Variants in MACROD2 observed in about 807,000 individuals in gnomAD.
MACROD2 encodes ADP-ribose glycohydrolase MACROD2.
A neutral mutation model predicts 70.4 loss-of-function variants in MACROD2; 36 were observed. The ratio of observed to expected loss-of-function variants is 0.51; its 90% CI spans 0.39 to 0.68. The LOEUF is 0.68. Among genes scored for constraint, MACROD2 ranks in the 30% least tolerant of loss-of-function variants. MACROD2 has a pLI of 0.00. For missense variants in MACROD2, 496 were observed against 538.4 expected (o/e 0.92, Z 0.78); for synonymous variants, 172 against 178.8 (o/e 0.96, Z 0.30).
rs192875371 is a variant in MACROD2, at chr20:15,113,317, G to A, written c.419-116623G>A. Reference sequence around the variant, plus strand: ...CACTGCTGGTGTAACAATGCCATATGTAGCTGATCTGATGCTTTTATTGTG... The same window carrying A: ...CACTGCTGGTGTAACAATGCCATATATAGCTGATCTGATGCTTTTATTGTG... On this transcript the variant is annotated intron_variant, in intron 5 of 17. Coordinates refer to ENST00000684519, the MANE Select transcript of MACROD2 (RefSeq NM_001351661.2). Among the ~76,000 whole-genome samples, 35 of 152,246 alleles carry A rather than the reference G, an allele frequency of 2.3e-4. 1 individual carries two copies. Among genetic ancestry groups the A allele is most frequent in the African/African-American group, 7.0e-4 (29 of 41,546 alleles).
intron 5 of MACROD2, chr20:14,929,509 C>G (rs2074272505): frequency 1.3e-5 from 2 of 152,224 alleles, no homozygotes; most frequent in Non-Finnish European, 2.9e-5. Context: ...GTTCACCAAC[C>G]TAGCAGCTCT....
intron 6 of MACROD2, among the ~76,000 whole-genome samples, chr20:15,317,757 C>T (rs1252903001): frequency 6.7e-6 from 1 of 149,842 alleles, no homozygotes; most frequent in Non-Finnish European, 1.5e-5. Flanking sequence ...AGAAGGGTTT[C>T]TTTTTATTTA....
intron 3 of MACROD2, among the ~76,000 whole-genome samples, chr20:14,222,559 T>A (rs1237316572): frequency 6.6e-6 from 1 of 152,230 alleles, no homozygotes; most frequent in South Asian, 2.1e-4. Context: ...ATGGATACCC[T>A]AAAAACCCTG....
At chr20:15,387,663 A>C (rs1015826806) in intron 6 of MACROD2, among the ~76,000 whole-genome samples, 2 of 151,140 alleles carry the variant, frequency 1.3e-5, no homozygotes, top group Non-Finnish European at 2.9e-5. Context: ...GACACCCCAC[A>C]CTCAGACCTT....
intron 8 of MACROD2, among the ~76,000 whole-genome samples, chr20:15,850,534 T>C (rs1265443221): frequency 2.0e-5 from 3 of 152,224 alleles, no homozygotes; most frequent in African/African-American, 4.8e-5. Context: ...TTATCTTTTA[T>C]GGATTTGCTA....
intron 5 of MACROD2, among the ~76,000 whole-genome samples, chr20:15,104,595 T>A (rs1159578165): frequency 6.6e-6 from 1 of 152,176 alleles, no homozygotes; most frequent in African/African-American, 2.4e-5. Context: ...ACAGCCTTTG[T>A]GCTTGTCTGA....
At position 15,615,612 on chromosome 20, in the gene MACROD2, G is replaced by A. The variant is rs111352187; in HGVS notation, c.645+115765G>A. ...ACCAGTGAAAGTATGAGCAGAAGAGGCCAGCCAAGAAGTGACCACAGGCCA... is the reference window on the plus strand; with the variant it reads ...ACCAGTGAAAGTATGAGCAGAAGAGACCAGCCAAGAAGTGACCACAGGCCA... On this transcript the variant is annotated intron_variant, in intron 8 of 17. Transcript: ENST00000684519. Among the ~76,000 whole-genome samples the A allele has an allele frequency of 1.3e-3, 195 of 152,198 alleles. 4 individuals are homozygous for A. Among genetic ancestry groups the A allele is most frequent in the African/African-American group, 4.6e-3 (191 of 41,528 alleles).
intron 8 of MACROD2, among the ~76,000 whole-genome samples, chr20:15,576,349 G>A (rs1295062596): frequency 6.6e-6 from 1 of 151,972 alleles, no homozygotes; most frequent in African/African-American, 2.4e-5. Flanking sequence ...GCAGTAATGA[G>A]GATACATTTT....
rs573223686 is a variant in MACROD2 at position 15,796,666 on chromosome 20, G to A, written c.646-66079G>A. 4.7e-4 allele frequency among the ~76,000 whole-genome samples: 72 copies of A among 152,092 alleles called. 1 individual carries two copies. The highest frequency in any genetic ancestry group is 8.3e-4 in the South Asian group (4 of 4,810). On this transcript the variant is annotated intron_variant, in intron 8 of 17. Transcript: ENST00000684519. The stretch of plus-strand genomic sequence containing the variant: ...AAGAGGTCATGTCAGCAGAGTGCCG[G>A]GCATTTGGCAAATGCTCAATAATAC...
At chr20:15,482,406 A>G (rs1462779396) in intron 7 of MACROD2, among the ~76,000 whole-genome samples, 1 of 152,174 alleles carries the variant, frequency 6.6e-6, no homozygotes, top group Non-Finnish European at 1.5e-5. Flanking sequence ...ACCTATTAGA[A>G]TGGCCAAAAT....
chr20:15,149,886 C>T (rs921983440), intron 5 of MACROD2, among the ~76,000 whole-genome samples: 6 of 151,956 alleles, frequency 3.9e-5, no homozygotes. Flanking sequence ...CTAAAGCTGT[C>T]TTCAAGGAAT....
intron 3 of MACROD2, among the ~76,000 whole-genome samples, chr20:14,232,815 C>G (rs1008325114): frequency 2.6e-5 from 4 of 152,238 alleles, no homozygotes; most frequent in Non-Finnish European, 4.4e-5. Context: ...TTTGCATTTA[C>G]AATTCAGCCA....
At chr20:14,906,573 C>T (rs938312271) in intron 5 of MACROD2, among the ~76,000 whole-genome samples, 10 of 152,182 alleles carry the variant, frequency 6.6e-5, no homozygotes, top group African/African-American at 2.4e-4. Context: ...GCTTGCTTCT[C>T]TTTTTGTGAA....
intron 3 of MACROD2, among the ~76,000 whole-genome samples, chr20:14,104,060 T>C (rs969984473): frequency 6.6e-6 from 1 of 152,010 alleles, no homozygotes; most frequent in Non-Finnish European, 1.5e-5. Context: ...TACACACACA[T>C]AACCAAATAG....
At position 14,346,093 on chromosome 20, in the gene MACROD2, CAAAAAAAAAAA is replaced by C. The variant is rs71190130; in HGVS notation, c.272-147365_272-147355del. ...TGGGTGACAGAGTGAGATTCTGCCT[CAAAAAAAAAAA>C]AAAAAAAAAAAAAAAAAAAAGTAAG... On this transcript the variant is annotated intron_variant, in intron 3 of 17. Transcript: ENST00000684519. Among the ~76,000 whole-genome samples, 264 of 41,178 alleles carry C rather than the reference CAAAAAAAAAAA, an allele frequency of 6.4e-3. 1 individual carries two copies. The highest frequency in any genetic ancestry group is 0.025 in the African/African-American group (232 of 9,416). The allele number at this position is 41,178 out of a possible 152,430, so 27.0% of individuals were successfully genotyped here.
At chr20:15,890,443 T>C (rs2064873592) in intron 10 of MACROD2, among the ~76,000 whole-genome samples, 1 of 152,204 alleles carries the variant, frequency 6.6e-6, no homozygotes, top group Non-Finnish European at 1.5e-5. Context: ...AGGTTGCAAA[T>C]GTCCCTTTGC....
chr20:14,732,886 C>T (rs1312825401), intron 5 of MACROD2, among the ~76,000 whole-genome samples: 1 of 152,076 alleles, frequency 6.6e-6, no homozygotes. Flanking sequence ...AAGCTTAACT[C>T]CCTCTTTGAA....
chr20:14,908,761 A>G (rs2073991073), intron 5 of MACROD2, among the ~76,000 whole-genome samples: 1 of 152,178 alleles, frequency 6.6e-6, no homozygotes, highest in Non-Finnish European at 1.5e-5. Flanking sequence ...ATAGGAATTT[A>G]TTGCAATATT....
chr20:15,172,610 A>G (rs1347147433), intron 5 of MACROD2, among the ~76,000 whole-genome samples: 2 of 152,060 alleles, frequency 1.3e-5, no homozygotes, highest in Admixed American at 1.3e-4. Flanking sequence ...GGATCTCACT[A>G]TATTTCCCTG....
Sources: gnomAD v4.1 joint callset for allele counts (sites outside exome capture counted in the v4.1 genomes callset) on GRCh38, gnomAD v4.1.1 for gene constraint, MANE v1.5 for transcripts, NCBI Gene and HGNC (gene_info 2026-07-23, HGNC 2026-07-21) for gene names.